Variants in ARHGAP26 observed in about 807,000 individuals in gnomAD.
ARHGAP26 encodes the protein rho GTPase-activating protein 26.
A neutral mutation model predicts 104.8 loss-of-function variants in ARHGAP26; 38 were observed. The observed-to-expected ratio is 0.36, with a 90% CI of 0.28 to 0.48. The LOEUF is 0.48. Among genes scored for constraint, ARHGAP26 ranks in the 20% least tolerant of loss-of-function variants. The probability of loss-of-function intolerance (pLI) is 0.99; values close to 1 mark genes in which losing one functional copy is unlikely to be tolerated. For missense variants in ARHGAP26, 704 were observed against 947.9 expected, an observed-to-expected ratio of 0.74 and a Z score of 3.38; for synonymous variants, 341 against 340.0, an observed-to-expected ratio of 1.00 and a Z score of -0.03.
intron 12 of ARHGAP26, among the ~76,000 whole-genome samples, chr5:143,028,562 A>C (rs1188809502): frequency 6.6e-6 from 1 of 152,230 alleles, no homozygotes; most frequent in African/African-American, 2.4e-5. Flanking sequence ...TATTGGTAAT[A>C]CTAGGTAATA....
chr5:142,978,148 C>T (rs572312084), intron 11 of ARHGAP26, among the ~76,000 whole-genome samples: 30 of 152,242 alleles, frequency 2.0e-4, no homozygotes, highest in South Asian at 1.2e-3. Context: ...GGCGTGGGGT[C>T]GGATCGCTTC....
intron 21 of ARHGAP26, among the ~76,000 whole-genome samples, chr5:143,212,354 G>GAAAAA (rs201236164): frequency 7.4e-6 from 1 of 135,774 alleles, no homozygotes; most frequent in Non-Finnish European, 1.6e-5. Flanking sequence ...AGCCTCTCAA[G>GAAAAA]AAAAAAAAAA....
At position 142,973,438 on chromosome 5, in the gene ARHGAP26, C is replaced by T. The variant is rs1386605573; in HGVS notation, c.1108-40642C>T. 2.0e-5 allele frequency among the ~76,000 whole-genome samples: 3 copies of T among 152,300 alleles called. No individual in the cohort carries two copies. The East Asian group carries it at 5.8e-4, about 29-fold the overall frequency. On this transcript the variant is annotated intron_variant, in intron 11 of 22. Coordinates refer to ENST00000645722, the MANE Select transcript of ARHGAP26 (RefSeq NM_001135608.3). ...TGTTTATGAAGTCTGTGCACATGCT[C>T]TTCCTTGTATATAAATAATTTCTAG...
At chr5:142,909,794 C>G (rs1164113855) in intron 9 of ARHGAP26, among the ~76,000 whole-genome samples, 2 of 152,194 alleles carry the variant, frequency 1.3e-5, no homozygotes, top group Non-Finnish European at 2.9e-5. Context: ...AATTCTTAGT[C>G]CTTCTAGAAA....
chr5:143,220,458 C>T (rs984204356), intron 22 of ARHGAP26, among the ~76,000 whole-genome samples: 1 of 152,184 alleles, frequency 6.6e-6, no homozygotes, highest in Non-Finnish European at 1.5e-5. Flanking sequence ...TGCAAGAACC[C>T]AGTAAAGGGA....
intron 1 of ARHGAP26, among the ~76,000 whole-genome samples, chr5:142,845,074 A>G (rs1194908688): frequency 1.3e-5 from 2 of 152,146 alleles, no homozygotes; most frequent in East Asian, 1.9e-4. Flanking sequence ...GTTGCTGCCC[A>G]GAACAAGCAC....
intron 1 of ARHGAP26, among the ~76,000 whole-genome samples, chr5:142,789,048 T>C (rs1025654525): frequency 5.3e-5 from 8 of 152,214 alleles, no homozygotes; most frequent in African/African-American, 1.9e-4. Flanking sequence ...GCCAACCCTT[T>C]TGCGTGGAAC....
intron 17 of ARHGAP26, among the ~76,000 whole-genome samples, chr5:143,108,555 C>T (rs962418795): frequency 9.9e-5 from 15 of 152,268 alleles, no homozygotes; most frequent in Admixed American, 7.8e-4. Context: ...ATAAAGCTAA[C>T]GTTTTCAACT....
In ARHGAP26 at chr5:142,905,153, C is replaced by T. The variant is rs149125908; in HGVS notation, c.832+1484C>T. Among the ~76,000 whole-genome samples the T allele has an allele frequency of 7.2e-3, 1,095 of 152,274 alleles. 8 individuals carry two copies. Among genetic ancestry groups the T allele is most frequent in the Middle Eastern group, 0.034 (10 of 294 alleles). ...ATCCCTGCAAAAGGTTTTAGGTCTA[C>T]TTGAAAATATAAATTTTTAGGACTC... On this transcript the variant is annotated intron_variant, in intron 8 of 22. Coordinates refer to ENST00000645722, the MANE Select transcript of ARHGAP26 (RefSeq NM_001135608.3).
At chr5:142,843,654 A>G (rs577429339) in intron 1 of ARHGAP26, among the ~76,000 whole-genome samples, 1 of 152,276 alleles carries the variant, frequency 6.6e-6, no homozygotes, top group African/African-American at 2.4e-5. Flanking sequence ...TTTGATGATT[A>G]AAACATTTCT....
chr5:142,916,884 A>G (rs1762549330), intron 10 of ARHGAP26, among the ~76,000 whole-genome samples: 2 of 152,134 alleles, frequency 1.3e-5, no homozygotes, highest in Admixed American at 1.3e-4. Context: ...CATCCTCACT[A>G]CAACCCAGGG....
At chr5:143,110,471 AATGTTAGCTTAAAGGTAGT>A (rs1179071274) in intron 17 of ARHGAP26, among the ~76,000 whole-genome samples, 1 of 152,168 alleles carries the variant, frequency 6.6e-6, no homozygotes, top group African/African-American at 2.4e-5. Context: ...ACTTTGGGAC[AATGTTAGCTTAAAGGTAGT>A]AGGTTGTGTG....
intron 8 of ARHGAP26, among the ~76,000 whole-genome samples, chr5:142,904,525 GAA>G (rs10667047): frequency 7.0e-6 from 1 of 142,032 alleles, no homozygotes. Flanking sequence ...TCTCTTAAAA[GAA>G]AAAAAAAAAA....
intron 11 of ARHGAP26, among the ~76,000 whole-genome samples, chr5:142,986,885 C>G (rs745903252): frequency 6.6e-5 from 10 of 152,182 alleles, no homozygotes; most frequent in Non-Finnish European, 1.3e-4. Context: ...GGTACCAGTA[C>G]CATGCTGTTT....
intron 14 of ARHGAP26, among the ~76,000 whole-genome samples, chr5:143,053,433 A>G (rs1010678261): frequency 6.6e-6 from 1 of 152,124 alleles, no homozygotes; most frequent in Non-Finnish European, 1.5e-5. Flanking sequence ...CCTCCTGTGC[A>G]CTGAAAAAGA....
intron 19 of ARHGAP26, among the ~76,000 whole-genome samples, chr5:143,140,970 G>A (rs147898126): frequency 1.1e-3 from 170 of 152,336 alleles, no homozygotes; most frequent in African/African-American, 3.9e-3. Flanking sequence ...AAAGGCTTAC[G>A]TAATGCCTTT....
Position 142,887,687 on chromosome 5 carries a change from T to G in ARHGAP26, c.486+2288T>G, listed in dbSNP as rs545235337. Among the ~76,000 whole-genome samples, 252 of 152,360 alleles carry G rather than the reference T, an allele frequency of 1.7e-3. 1 individual carries two copies. The highest frequency in any genetic ancestry group is 2.7e-3 in the Non-Finnish European group (186 of 68,032). On this transcript the variant is annotated intron_variant, in intron 5 of 22. Transcript: ENST00000645722. The stretch of plus-strand genomic sequence containing the variant: ...GGTTCTGGTCTGTTCAGGTCAGTTC[T>G]CAGGCATTGCTTTTTAGTTGTAACT...
chr5:142,941,094 AAAAAAAG>A (rs1766273078), intron 11 of ARHGAP26, among the ~76,000 whole-genome samples: 1 of 150,554 alleles, frequency 6.6e-6, no homozygotes, highest in African/African-American at 2.4e-5. Context: ...AAAAAAAAAA[AAAAAAAG>A]AATCTATATT....
intron 11 of ARHGAP26, among the ~76,000 whole-genome samples, chr5:142,965,130 T>C (rs1270768864): frequency 6.6e-6 from 1 of 152,168 alleles, no homozygotes; most frequent in East Asian, 1.9e-4. Context: ...CAGAGACTTT[T>C]AGTACTTTCA....
Sources: allele counts gnomAD v4.1 joint callset (sites outside exome capture counted in the v4.1 genomes callset), GRCh38; gene constraint gnomAD v4.1.1; transcripts MANE v1.5; gene names NCBI Gene and HGNC (gene_info 2026-07-23, HGNC 2026-07-21).